Variants in COL26A1 observed in about 807,000 individuals in gnomAD.
COL26A1 encodes collagen type XXVI alpha 1 chain, also known as collagen alpha-1(XXVI) chain.
COL26A1 carries 41 observed loss-of-function variants against 59.3 expected under a neutral mutation model. That is an observed-to-expected ratio of 0.69 (90% confidence interval 0.54 to 0.90). The LOEUF is 0.90. Ranked by LOEUF, COL26A1 falls within the 40% of genes least tolerant of loss-of-function variation. The pLI is 0.00. For synonymous variants in COL26A1, 266 were observed against 256.0 expected (o/e 1.04, Z -0.37); for missense variants, 612 against 602.3 (o/e 1.02, Z -0.17).
At position 101,362,941 on chromosome 7, in the gene COL26A1, C is replaced by A; in HGVS notation, c.-92C>A. On this transcript the variant is annotated 5_prime_UTR_variant, in exon 1 of 13. Transcript: ENST00000313669. ...TCGCCCCGCTCCTCTCGCTGTGCTC[C>A]CGGCCGGTGCCGCGGGTTCGGTCCG... 1 of 1,344,116 alleles carries A rather than the reference C, an allele frequency of 7.4e-7. No individual in the cohort carries two copies. The highest frequency in any genetic ancestry group is 9.9e-7 in the Non-Finnish European group (1 of 1,014,706). 83.3% of individuals were successfully genotyped at this position (1,344,116 alleles called of 1,614,324 possible).
At chr7:101,523,867 C>T (rs758005418) in intron 3 of COL26A1, among the ~76,000 whole-genome samples, 1 of 151,996 alleles carries the variant, frequency 6.6e-6, no homozygotes, top group Non-Finnish European at 1.5e-5. Flanking sequence ...TGGAATCAAT[C>T]GGACAATTTC....
intron 3 of COL26A1, among the ~76,000 whole-genome samples, chr7:101,486,926 C>T (rs774948853): frequency 1.6e-4 from 25 of 152,196 alleles, no homozygotes; most frequent in Admixed American, 1.1e-3. Context: ...CTGTGTTTGC[C>T]CCCATGGTCA....
At chr7:101,538,402 C>T (rs1180736611) in intron 4 of COL26A1, among the ~76,000 whole-genome samples, 1 of 152,236 alleles carries the variant, frequency 6.6e-6, no homozygotes, top group South Asian at 2.1e-4. Flanking sequence ...GATGAGGCAC[C>T]ACTAGGGGCC....
At chr7:101,508,550 T>G (rs1214399532) in intron 3 of COL26A1, among the ~76,000 whole-genome samples, 1 of 149,778 alleles carries the variant, frequency 6.7e-6, no homozygotes, top group Admixed American at 6.6e-5. Context: ...TCTTAACATT[T>G]AGGGTGGCAT....
At chr7:101,433,157 C>T (rs1792822458) in intron 2 of COL26A1, among the ~76,000 whole-genome samples, 1 of 151,950 alleles carries the variant, frequency 6.6e-6, no homozygotes, top group Non-Finnish European at 1.5e-5. Flanking sequence ...ACCCCGTTTC[C>T]ACTAAAAACA....
intron 1 of COL26A1, among the ~76,000 whole-genome samples, chr7:101,376,047 G>A (rs115618460): frequency 9.9e-4 from 148 of 150,238 alleles, no homozygotes; most frequent in African/African-American, 3.5e-3. Context: ...TGTAGTCCCA[G>A]CTACTTGGGA....
intron 1 of COL26A1, among the ~76,000 whole-genome samples, chr7:101,379,444 G>T (rs111705011): frequency 9.9e-5 from 15 of 152,160 alleles, no homozygotes; most frequent in African/African-American, 3.6e-4. Flanking sequence ...CTCTCTTGGT[G>T]CTCTGCTCAC....
At chr7:101,420,582 A>T (rs1792489047) in intron 2 of COL26A1, among the ~76,000 whole-genome samples, 1 of 151,368 alleles carries the variant, frequency 6.6e-6, no homozygotes, top group Non-Finnish European at 1.5e-5. Context: ...CCTGCCCCTC[A>T]CGAGGCCTGC....
chr7:101,398,081 G>C (rs1162539712), intron 1 of COL26A1, among the ~76,000 whole-genome samples: 1 of 152,152 alleles, frequency 6.6e-6, no homozygotes, highest in Non-Finnish European at 1.5e-5. Context: ...GACTTCTTTT[G>C]CTCTGCATCA....
At chr7:101,508,599 C>T (rs1794860416) in intron 3 of COL26A1, among the ~76,000 whole-genome samples, 1 of 135,648 alleles carries the variant, frequency 7.4e-6, no homozygotes, top group Non-Finnish European at 1.6e-5. Context: ...CCTTGATAAA[C>T]AGATGAAACA....
At chr7:101,555,693 G>A (rs776432572) in intron 11 of COL26A1, 94 bp from the exon 12 acceptor site, 6 of 813,542 alleles carry the variant, frequency 7.4e-6, no homozygotes, top group African/African-American at 1.7e-5. Flanking sequence ...CAGGGGTGGG[G>A]GGCTTTGAGG....
chr7:101,440,925 C>T (rs1338335846), intron 2 of COL26A1, among the ~76,000 whole-genome samples: 1 of 150,442 alleles, frequency 6.6e-6, no homozygotes, highest in Non-Finnish European at 1.5e-5. Context: ...TGCAGTGAGC[C>T]ACGATTGCGC....
rs867466011 is a variant in COL26A1 at position 101,539,298 on chromosome 7, G to A, written c.448-595G>A. Among the ~76,000 whole-genome samples, 1,164 of 148,302 alleles carry A rather than the reference G, an allele frequency of 7.8e-3. 8 individuals are homozygous for A. Among genetic ancestry groups the A allele is most frequent in the Middle Eastern group, 0.014 (4 of 284 alleles). ...TCTGTCTGTGTGTGTGTGTGTATGT[G>A]TGTGTGTGTGTGTGTGTGTGTGCGT... On this transcript the variant is annotated intron_variant, in intron 4 of 12. Coordinates refer to ENST00000313669, the MANE Select transcript of COL26A1 (RefSeq NM_001278563.3).
chr7:101,364,897 TCTGC>T (rs1791005414), intron 1 of COL26A1, among the ~76,000 whole-genome samples: 1 of 152,166 alleles, frequency 6.6e-6, no homozygotes, highest in Non-Finnish European at 1.5e-5. Flanking sequence ...AGCATACTGC[TCTGC>T]CTATCAAAGC....
At chr7:101,551,774 AC>A (rs1358955362) in intron 10 of COL26A1, among the ~76,000 whole-genome samples, 2 of 150,458 alleles carry the variant, frequency 1.3e-5, no homozygotes. Flanking sequence ...ATGAGTATAG[AC>A]TCCTGCCTCT....
At position 101,447,888 on chromosome 7, in the gene COL26A1, G is replaced by A. The variant is rs187506073; in HGVS notation, c.385+101G>A. On this transcript the variant is annotated intron_variant, in intron 3 of 12. Transcript: ENST00000313669. ...CCTGCAAGCAGCTTTCCTTTCCTCCGTAGCTTGAAATCCTTTCCTTTTCCC... is the reference window on the plus strand; with the variant it reads ...CCTGCAAGCAGCTTTCCTTTCCTCCATAGCTTGAAATCCTTTCCTTTTCCC... 3.3e-3 allele frequency: 2,415 copies of A among 728,498 alleles called. 9 individuals are homozygous for A. Among genetic ancestry groups the A allele is most frequent in the Non-Finnish European group, 4.8e-3 (1,985 of 412,144 alleles). 45.1% of individuals were successfully genotyped at this position (728,498 alleles called of 1,614,324 possible). A position where few individuals can be genotyped will look rare whatever the true frequency, so the allele number is the denominator to read the frequency against.
intron 1 of COL26A1, among the ~76,000 whole-genome samples, chr7:101,416,710 C>T (rs1323746513): frequency 7.0e-6 from 1 of 143,506 alleles, no homozygotes; most frequent in Non-Finnish European, 1.6e-5. Context: ...ATACATTTCA[C>T]TTCTAAGATA....
At chr7:101,475,904 T>TTC (rs1174004276) in intron 3 of COL26A1, among the ~76,000 whole-genome samples, 9 of 117,794 alleles carry the variant, frequency 7.6e-5, no homozygotes, top group Non-Finnish European at 1.1e-4. Flanking sequence ...TTCTCTCTCT[T>TTC]TCTCTCTCTC....
At chr7:101,452,773 ATT>A (rs935820279) in intron 3 of COL26A1, among the ~76,000 whole-genome samples, 1 of 148,500 alleles carries the variant, frequency 6.7e-6, no homozygotes, top group African/African-American at 2.5e-5. Context: ...TTATTTATTA[ATT>A]TTTTTTTTTG....
Sources: gnomAD v4.1 joint callset for allele counts (sites outside exome capture counted in the v4.1 genomes callset) on GRCh38, gnomAD v4.1.1 for gene constraint, MANE v1.5 for transcripts, NCBI Gene and HGNC (gene_info 2026-07-23, HGNC 2026-07-21) for gene names.